ZAN: variants seen among roughly 807,000 people sequenced by gnomAD.
The protein encoded by ZAN is zonadhesin.
In ZAN, 260 loss-of-function variants were observed where a neutral mutation model predicts 286.2. That is an observed-to-expected ratio of 0.91 (90% CI 0.82 to 1.01). The LOEUF (loss-of-function observed/expected upper bound fraction) is 1.01. ZAN is among the 50% of genes least tolerant of loss of function. The pLI is 0.00. For missense variants in ZAN, 3,410 were observed against 3,639.2 expected (o/e 0.94, Z 1.62); for synonymous variants, 1,368 against 1,417.5 (o/e 0.97, Z 0.79).
At position 100,787,083 on chromosome 7, in the gene ZAN, T is replaced by A. The variant is rs573127381; in HGVS notation, c.6980-806T>A. ...TCTCAAAAAAATAAAAAAATAAAAA[T>A]AATAATAAAGGGCCTCTAATTGAAT... On this transcript the variant is annotated intron_variant, in intron 37 of 47. Coordinates refer to ENST00000613979, the MANE Select transcript of ZAN (RefSeq NM_003386.3). Among the ~76,000 whole-genome samples the A allele has an allele frequency of 2.6e-4, 38 of 147,546 alleles. 1 individual carries two copies. Among genetic ancestry groups the A allele is most frequent in the African/African-American group, 8.5e-4 (34 of 39,916 alleles).
In ZAN at chr7:100,793,806, G is replaced by A; in HGVS notation, c.7788-14G>A. The A allele has an allele frequency of 6.4e-7, 1 of 1,569,136 alleles. No individual in the cohort carries two copies. The highest frequency in any genetic ancestry group is 1.7e-4 in the Middle Eastern group (1 of 5,816). ...CCAGCCCCAGCCAGTTTCTGACCAT[G>A]ACTGTCCCCGCAGCCATGGAGTGTC... On this transcript the variant is annotated splice_polypyrimidine_tract_variant and intron_variant, in intron 42 of 47. Transcript: ENST00000613979.
chr7:100,780,819 G>A (rs1217165818), intron 35 of ZAN, among the ~76,000 whole-genome samples: 1 of 151,896 alleles, frequency 6.6e-6, no homozygotes, highest in Non-Finnish European at 1.5e-5. Context: ...GCTGGGTGCA[G>A]TGACTGACAC....
chr7:100,769,328 A>C (rs1271819698), intron 27 of ZAN, among the ~76,000 whole-genome samples: 1 of 151,806 alleles, frequency 6.6e-6, no homozygotes. Flanking sequence ...TCCTGACCTC[A>C]GGTGATCTGC....
intron 29 of ZAN, among the ~76,000 whole-genome samples, chr7:100,772,566 A>T (rs1445582079): frequency 6.6e-6 from 1 of 152,010 alleles, no homozygotes; most frequent in Non-Finnish European, 1.5e-5. Context: ...TCATGCCTGT[A>T]ATCCCAGCAC....
intron 28 of ZAN, among the ~76,000 whole-genome samples, chr7:100,770,534 T>C (rs987411655): frequency 6.8e-6 from 1 of 146,570 alleles, no homozygotes; most frequent in African/African-American, 2.5e-5. Context: ...TTAATAGAGA[T>C]GGGGGAGTCT....
At chr7:100,757,716 C>T (rs1251747786) in intron 15 of ZAN, among the ~76,000 whole-genome samples, 1 of 144,008 alleles carries the variant, frequency 6.9e-6, no homozygotes, top group Non-Finnish European at 1.5e-5. Flanking sequence ...GATCACGCCA[C>T]TTCACTCCAG....
chr7:100,768,819 C>T, intron 27 of ZAN, 98 bp downstream of exon 27: 1 of 936,818 alleles, frequency 1.1e-6, no homozygotes, highest in Non-Finnish European at 1.6e-6. Context: ...CCCACTCCCT[C>T]TGTGCTGTAC....
At chr7:100,790,246 A>C (rs1811849495) in intron 39 of ZAN, among the ~76,000 whole-genome samples, 1 of 152,068 alleles carries the variant, frequency 6.6e-6, no homozygotes, top group Non-Finnish European at 1.5e-5. Flanking sequence ...ACTGGGCAAC[A>C]GAGCAAGACC....
At chr7:100,756,920 C>T (rs1310397812) in intron 15 of ZAN, among the ~76,000 whole-genome samples, 1 of 152,102 alleles carries the variant, frequency 6.6e-6, no homozygotes, top group Non-Finnish European at 1.5e-5. Context: ...GGGCATGCGC[C>T]ACCACGCCCA....
chr7:100,780,895 A>G (rs1811155008), intron 35 of ZAN, among the ~76,000 whole-genome samples: 1 of 151,892 alleles, frequency 6.6e-6, no homozygotes, highest in Admixed American at 6.6e-5. Context: ...TTTGAGACCA[A>G]CCTGGGCAAT....
chr7:100,753,364 G>A (rs946302983), intron 14 of ZAN, 135 bp downstream of exon 14: 4 of 1,071,878 alleles, frequency 3.7e-6, no homozygotes, highest in Non-Finnish European at 5.1e-6. Context: ...GAGGAGAGCT[G>A]AAGTAGTCCA....
At position 100,779,446 on chromosome 7, in the gene ZAN, T is replaced by C. The variant is rs776094511; in HGVS notation, c.6318T>C (p.Ser2106=). Residue 2106 remains serine, a splice_region_variant and synonymous_variant, in exon 35 of 48, where the codon AGT becomes AGC. Coordinates refer to ENST00000613979, the MANE Select transcript of ZAN (RefSeq NM_003386.3). The part of the protein sequence containing the change: ...NSWKDKDIDP[S]CQSLLVDEQQ... The stretch of plus-strand genomic sequence containing the variant: ...TAGGCTGATTCTTTTCCCTTCCCAG[T>C]TGTCAGAGTCTCCTGGTAGATGAGC... 1.9e-6 allele frequency: 3 copies of C among 1,600,384 alleles called. No individual in the cohort carries two copies. The highest frequency in any genetic ancestry group is 4.5e-5 in the East Asian group (2 of 44,550).
chr7:100,766,812 C>A, intron 24 of ZAN, 146 bp downstream of exon 24: 1 of 1,425,872 alleles, frequency 7.0e-7, no homozygotes, highest in Non-Finnish European at 9.3e-7. Flanking sequence ...TTCAGGGACC[C>A]AAAGGGTGAG....
rs200501007 is a variant in ZAN at position 100,736,982 on chromosome 7, C to T, written c.427C>T (p.Arg143Cys). Residue 143 changes from arginine to cysteine, a missense_variant, in exon 5 of 48, where the codon CGC becomes TGC. Coordinates refer to ENST00000613979, the MANE Select transcript of ZAN (RefSeq NM_003386.3). Reference protein sequence around the residue: ...RLLLLSGEEGRRPDVLWKHWN... With the variant: ...RLLLLSGEEGCRPDVLWKHWN... Reference sequence around the variant, plus strand: ...GCTGCTGCTCTCGGGTGAAGAGGGCCGCCGCCCCGATGTGCTCTGGAAACA... The same window carrying T: ...GCTGCTGCTCTCGGGTGAAGAGGGCTGCCGCCCCGATGTGCTCTGGAAACA... 2.0e-4 allele frequency: 295 copies of T among 1,502,704 alleles called. 49 individuals carry two copies. Among genetic ancestry groups the T allele is most frequent in the Middle Eastern group, 6.7e-4 (4 of 5,958 alleles). 93.1% of individuals were successfully genotyped at this position (1,502,704 alleles called of 1,614,324 possible).
rs112289588 is a variant in ZAN, at chr7:100,792,783, C to T, written c.7787+304C>T. Among the ~76,000 whole-genome samples, 1,301 of 151,998 alleles carry T rather than the reference C, an allele frequency of 8.6e-3. 58 individuals carry two copies. In the South Asian group the frequency reaches 0.12, roughly 14 times the overall value. On this transcript the variant is annotated intron_variant, in intron 42 of 47. Transcript: ENST00000613979. Reference sequence around the variant, plus strand: ...GCTCCTTCCTGCCAAGGTCCACCTTCGCTCAACCAGTTCCTTCAAATGTTC... The same window carrying T: ...GCTCCTTCCTGCCAAGGTCCACCTTTGCTCAACCAGTTCCTTCAAATGTTC...
chr7:100,773,902 C>A, intron 31 of ZAN, 37 bp downstream of exon 31: 1 of 1,572,450 alleles, frequency 6.4e-7, no homozygotes, highest in East Asian at 2.3e-5. Flanking sequence ...CTCCACAGCC[C>A]TGAGGCCCAC....
chr7:100,787,200 G>A (rs1310318704), intron 37 of ZAN, among the ~76,000 whole-genome samples: 2 of 151,974 alleles, frequency 1.3e-5, no homozygotes, highest in African/African-American at 4.8e-5. Context: ...AGGCCAAGGT[G>A]GGAGGATTTC....
rs760510207 is a variant in ZAN, at chr7:100,736,616, G to A, written c.240G>A (p.Gly80=). ...CCGGCTCCACCGGGGCCCCCGGGGG[G>A]TACCCTAACGGAGGTGAGGGGCTAT... The part of the protein sequence containing the change: ...SPTGSTGAPG[G]YPNGEGSYLH... The change falls in exon 4 of 48, where the codon GGG becomes GGA. Residue 80 remains glycine, a synonymous_variant. Coordinates refer to ENST00000613979, the MANE Select transcript of ZAN (RefSeq NM_003386.3). 1.1e-5 allele frequency: 17 copies of A among 1,522,590 alleles called. 4 individuals are homozygous for A. In the South Asian group the frequency reaches 1.2e-4, roughly 11 times the overall value. 94.3% of individuals were successfully genotyped at this position (1,522,590 alleles called of 1,614,324 possible).
intron 40 of ZAN, among the ~76,000 whole-genome samples, chr7:100,791,401 C>T (rs1176989783): frequency 1.3e-5 from 2 of 151,964 alleles, no homozygotes; most frequent in East Asian, 1.9e-4. Flanking sequence ...TTCTCCTCCT[C>T]CTCCTCCTTC....
Sources: gnomAD v4.1 joint callset for allele counts (sites outside exome capture counted in the v4.1 genomes callset) on GRCh38, gnomAD v4.1.1 for gene constraint, MANE v1.5 for transcripts, NCBI Gene and HGNC (gene_info 2026-07-23, HGNC 2026-07-21) for gene names.